Variants in SHANK2 observed in about 807,000 individuals in gnomAD.
SHANK2 encodes SH3 and multiple ankyrin repeat domains 2, also known as SH3 and multiple ankyrin repeat domains protein 2.
A neutral mutation model predicts 133.7 loss-of-function variants in SHANK2; 43 were observed. That is an observed-to-expected ratio of 0.32 (90% CI 0.25 to 0.41). The LOEUF (loss-of-function observed/expected upper bound fraction) is 0.41. SHANK2 is among the 10% of genes least tolerant of loss of function. The probability of loss-of-function intolerance (pLI) is 1.00; values close to 1 mark genes in which losing one functional copy is unlikely to be tolerated. For missense variants in SHANK2, 1,994 were observed against 2,235.8 expected (o/e 0.89, Z 2.18); for synonymous variants, 1,017 against 952.8 (o/e 1.07, Z -1.24).
intron 8 of SHANK2, among the ~76,000 whole-genome samples, chr11:71,092,140 G>A (rs898532555): frequency 1.3e-5 from 2 of 152,230 alleles, no homozygotes; most frequent in African/African-American, 4.8e-5. Context: ...TAACTGCAGG[G>A]CACTCCTGCT....
At chr11:70,570,697 T>C (rs1185940198) in intron 17 of SHANK2, 1 of 151,804 alleles carries the variant, frequency 6.6e-6, no homozygotes, top group Non-Finnish European at 1.5e-5. Flanking sequence ...GCCAAGGGGC[T>C]GGAGGATGTG....
At chr11:70,784,117 G>A (rs1223865637) in intron 14 of SHANK2, among the ~76,000 whole-genome samples, 1 of 152,098 alleles carries the variant, frequency 6.6e-6, no homozygotes, top group Non-Finnish European at 1.5e-5. Flanking sequence ...CGGGCACCCT[G>A]TTCACCCAGC....
intron 2 of SHANK2, among the ~76,000 whole-genome samples, chr11:71,214,341 G>A (rs901632101): frequency 1.2e-4 from 19 of 152,162 alleles, no homozygotes; most frequent in Non-Finnish European, 1.9e-4. Flanking sequence ...GTGAGGAACC[G>A]CGTGCTGGCT....
intron 3 of SHANK2, among the ~76,000 whole-genome samples, chr11:71,146,854 C>T (rs1397033015): frequency 1.3e-5 from 2 of 152,070 alleles, no homozygotes; most frequent in African/African-American, 4.8e-5. Context: ...GTCTGGCACA[C>T]AGTAGGTGCC....
intron 8 of SHANK2, among the ~76,000 whole-genome samples, chr11:71,086,518 TATATA>T (rs1260265040): frequency 2.1e-5 from 3 of 142,554 alleles, no homozygotes; most frequent in African/African-American, 5.2e-5. Flanking sequence ...TTATATATAA[TATATA>T]ATATAAATAT....
intron 11 of SHANK2, among the ~76,000 whole-genome samples, chr11:70,856,967 C>T (rs540134183): frequency 1.3e-5 from 2 of 152,242 alleles, no homozygotes; most frequent in Non-Finnish European, 2.9e-5. Flanking sequence ...CGTCTCTATC[C>T]TTAGTCTGAC....
chr11:70,799,480 G>A (rs1216085332), intron 13 of SHANK2, among the ~76,000 whole-genome samples: 3 of 152,178 alleles, frequency 2.0e-5, no homozygotes, highest in Non-Finnish European at 4.4e-5. Context: ...TGGTGTGGAC[G>A]TGGAATTATC....
chr11:71,081,006 C>T (rs1951292609), intron 8 of SHANK2, among the ~76,000 whole-genome samples: 1 of 152,204 alleles, frequency 6.6e-6, no homozygotes, highest in African/African-American at 2.4e-5. Context: ...AGTCCCCACC[C>T]CCAGTACCTC....
At chr11:70,853,900 C>A (rs73534013) in intron 11 of SHANK2, among the ~76,000 whole-genome samples, 3,430 of 152,200 alleles carry the variant, frequency 0.023, 125 homozygotes, top group African/African-American at 0.076. Flanking sequence ...GTGTCTGAAT[C>A]CCCCCTCCTT....
intron 3 of SHANK2, among the ~76,000 whole-genome samples, chr11:71,139,891 A>T (rs1952519505): frequency 6.6e-6 from 1 of 152,226 alleles, no homozygotes; most frequent in African/African-American, 2.4e-5. Flanking sequence ...GCTCAGAAAC[A>T]GCACTCACTC....
At chr11:71,185,167 G>A (rs1157207895) in intron 2 of SHANK2, among the ~76,000 whole-genome samples, 2 of 152,166 alleles carry the variant, frequency 1.3e-5, no homozygotes, top group East Asian at 1.9e-4. Context: ...AATACAATCA[G>A]CCAGCACTGC....
chr11:70,768,124 G>A (rs61885460), intron 14 of SHANK2, among the ~76,000 whole-genome samples: 3,281 of 152,256 alleles, frequency 0.022, 39 homozygotes, highest in Middle Eastern at 0.034. Flanking sequence ...GTAAAGTGGC[G>A]ACAGCTGCAC....
At chr11:70,611,927 C>G (rs782044297) in intron 17 of SHANK2, among the ~76,000 whole-genome samples, 2 of 146,030 alleles carry the variant, frequency 1.4e-5, no homozygotes, top group Non-Finnish European at 3.0e-5. Flanking sequence ...GAACGAGAAG[C>G]CTCGTTCCAA....
chr11:70,884,109 T>C (rs1326712572), intron 11 of SHANK2, among the ~76,000 whole-genome samples: 1 of 152,210 alleles, frequency 6.6e-6, no homozygotes, highest in Non-Finnish European at 1.5e-5. Flanking sequence ...CACCAGCCCA[T>C]GCTTGGCTCA....
At chr11:70,546,001 G>A (rs1281854013) in intron 17 of SHANK2, among the ~76,000 whole-genome samples, 7 of 152,244 alleles carry the variant, frequency 4.6e-5, no homozygotes, top group Non-Finnish European at 8.8e-5. Context: ...AGAGAAGCTC[G>A]GGGCAAATGG....
intron 21 of SHANK2, among the ~76,000 whole-genome samples, chr11:70,497,767 A>G (rs1278585147): frequency 6.6e-6 from 1 of 152,212 alleles, no homozygotes; most frequent in African/African-American, 2.4e-5. Flanking sequence ...CAAGGGAGTC[A>G]CCAAATCGAG....
intron 1 of SHANK2, among the ~76,000 whole-genome samples, chr11:71,245,172 G>T (rs1954944454): frequency 1.3e-5 from 2 of 151,812 alleles, no homozygotes; most frequent in East Asian, 3.9e-4. Context: ...TAGAGATGGG[G>T]TCTCATTATA....
chr11:70,664,039 A>G (rs1944633904), intron 15 of SHANK2, among the ~76,000 whole-genome samples: 1 of 152,176 alleles, frequency 6.6e-6, no homozygotes, highest in Admixed American at 6.5e-5. Context: ...GACGGCTGCC[A>G]TTAACCTCCA....
chr11:71,146,613 C>A (rs782119853), intron 3 of SHANK2, among the ~76,000 whole-genome samples: 1 of 152,184 alleles, frequency 6.6e-6, no homozygotes, highest in East Asian at 1.9e-4. Context: ...CAGGAGGAGG[C>A]GGACAGCAGC....
Sources: allele counts gnomAD v4.1 joint callset (sites outside exome capture counted in the v4.1 genomes callset), GRCh38; gene constraint gnomAD v4.1.1; transcripts MANE v1.5; gene names NCBI Gene and HGNC (gene_info 2026-07-23, HGNC 2026-07-21).